Variants in PALLD observed in about 807,000 individuals in gnomAD.
PALLD encodes palladin, cytoskeletal associated protein.
Under a neutral mutation model 123.5 loss-of-function variants are expected in PALLD, and 61 were observed. That is an observed-to-expected ratio of 0.49 (90% CI 0.40 to 0.61). The LOEUF (loss-of-function observed/expected upper bound fraction) is 0.61, where lower values mean the gene tolerates loss of function less well. PALLD is among the 20% of genes least tolerant of loss of function. PALLD has a pLI of 0.00. For synonymous variants in PALLD, 465 were observed against 496.4 expected (o/e 0.94, Z 0.84); for missense variants, 1,273 against 1,377.0 (o/e 0.92, Z 1.20).
chr4:168,652,692 T>C (rs1033077015), intron 2 of PALLD, among the ~76,000 whole-genome samples: 4 of 152,230 alleles, frequency 2.6e-5, no homozygotes, highest in African/African-American at 4.8e-5. Context: ...GAGATGTTGA[T>C]TCAGGTTTTC....
At chr4:168,916,962 C>G (rs1760257519) in intron 17 of PALLD, among the ~76,000 whole-genome samples, 1 of 151,628 alleles carries the variant, frequency 6.6e-6, no homozygotes, top group South Asian at 2.1e-4. Context: ...AGCCACAGTG[C>G]CCCGCCCCCA....
intron 10 of PALLD, among the ~76,000 whole-genome samples, chr4:168,827,358 G>T (rs1440333154): frequency 6.6e-6 from 1 of 152,024 alleles, no homozygotes; most frequent in Non-Finnish European, 1.5e-5. Context: ...CCCACATTTT[G>T]GTTTTTTAAA....
intron 2 of PALLD, among the ~76,000 whole-genome samples, chr4:168,620,433 C>T (rs2723690): frequency 0.041 from 6,167 of 152,118 alleles, 175 homozygotes; most frequent in Non-Finnish European, 0.064. Context: ...GCAACCTGGG[C>T]GACAGAGTGA....
intron 10 of PALLD, among the ~76,000 whole-genome samples, chr4:168,758,273 A>T (rs1426669895): frequency 6.6e-6 from 1 of 152,138 alleles, no homozygotes; most frequent in African/African-American, 2.4e-5. Flanking sequence ...TTGAATAAGC[A>T]TCTGAAACTG....
intron 10 of PALLD, among the ~76,000 whole-genome samples, chr4:168,791,580 C>T (rs1737529674): frequency 1.3e-5 from 2 of 152,116 alleles, no homozygotes; most frequent in South Asian, 2.1e-4. Flanking sequence ...ATGGGGGAAA[C>T]GGGCCCCATG....
intron 10 of PALLD, among the ~76,000 whole-genome samples, chr4:168,774,096 A>G (rs1294084289): frequency 6.7e-6 from 1 of 150,236 alleles, no homozygotes; most frequent in Non-Finnish European, 1.5e-5. Context: ...ATTAAAAAAA[A>G]TATATATATC....
At chr4:168,526,541 C>T (rs62333838) in intron 2 of PALLD, among the ~76,000 whole-genome samples, 13,175 of 152,160 alleles carry the variant, frequency 0.087, 817 homozygotes, top group Non-Finnish European at 0.12. Context: ...ATCTGTTGTC[C>T]TCTTGCCTCA....
At chr4:168,501,527 A>G (rs969399264) in intron 1 of PALLD, among the ~76,000 whole-genome samples, 3 of 152,254 alleles carry the variant, frequency 2.0e-5, no homozygotes, top group African/African-American at 4.8e-5. Flanking sequence ...TTATAAGGAT[A>G]TAAGCTGCCT....
At chr4:168,535,350 G>A (rs1764997784) in intron 2 of PALLD, among the ~76,000 whole-genome samples, 1 of 152,178 alleles carries the variant, frequency 6.6e-6, no homozygotes, top group South Asian at 2.1e-4. Flanking sequence ...CTTAATAGAT[G>A]AGTAAACTGA....
intron 10 of PALLD, among the ~76,000 whole-genome samples, chr4:168,749,292 A>G (rs980581112): frequency 6.6e-6 from 1 of 152,102 alleles, no homozygotes; most frequent in South Asian, 2.1e-4. Flanking sequence ...TGAGATGAAT[A>G]AACCTGTTTT....
At chr4:168,855,735 G>A (rs776666396) in intron 10 of PALLD, among the ~76,000 whole-genome samples, 3 of 152,176 alleles carry the variant, frequency 2.0e-5, no homozygotes, top group South Asian at 4.1e-4. Flanking sequence ...TTACATGACC[G>A]TCCTGAATAC....
At chr4:168,586,765 G>A (rs996752453) in intron 2 of PALLD, among the ~76,000 whole-genome samples, 1 of 152,068 alleles carries the variant, frequency 6.6e-6, no homozygotes, top group African/African-American at 2.4e-5. Flanking sequence ...AAACATTAGA[G>A]GTCTTTCAAA....
intron 10 of PALLD, among the ~76,000 whole-genome samples, chr4:168,808,295 A>G (rs1002636692): frequency 1.3e-5 from 2 of 151,716 alleles, no homozygotes; most frequent in African/African-American, 4.8e-5. Context: ...CCTGGCTAAC[A>G]TGGTGAAACC....
intron 2 of PALLD, among the ~76,000 whole-genome samples, chr4:168,556,050 C>T (rs2712118): frequency 0.66 from 100,169 of 151,946 alleles, 33,359 homozygotes; most frequent in East Asian, 0.85. Context: ...CTTAGCACAG[C>T]TTCTAACACA....
chr4:168,916,108 A>T (rs941881301), intron 17 of PALLD, 81 bp downstream of exon 17: 3 of 1,347,010 alleles, frequency 2.2e-6, no homozygotes, highest in Non-Finnish European at 3.2e-6. Context: ...CTTTTGGGGA[A>T]ATTACATAAA....
chr4:168,501,285 G>A (rs548437509), intron 1 of PALLD, among the ~76,000 whole-genome samples: 1 of 152,186 alleles, frequency 6.6e-6, no homozygotes, highest in African/African-American at 2.4e-5. Context: ...TTGGTGACAT[G>A]CACCTGTAGT....
chr4:168,565,881 A>G (rs913010336), intron 2 of PALLD, among the ~76,000 whole-genome samples: 1 of 152,136 alleles, frequency 6.6e-6, no homozygotes, highest in Non-Finnish European at 1.5e-5. Flanking sequence ...TAGCCTTGAG[A>G]AAATTTTGAC....
intron 2 of PALLD, among the ~76,000 whole-genome samples, chr4:168,658,310 G>A (rs1778804429): frequency 8.8e-6 from 1 of 114,284 alleles, no homozygotes. Context: ...TTTGTGATGA[G>A]ATCTTGCTTT....
intron 14 of PALLD, among the ~76,000 whole-genome samples, chr4:168,902,516 C>CT (rs1392857276): frequency 1.3e-5 from 2 of 152,092 alleles, no homozygotes; most frequent in Non-Finnish European, 2.9e-5. Context: ...GTGGCTCACA[C>CT]TTGTAATCCC....
Sources: gnomAD v4.1 joint callset for allele counts (sites outside exome capture counted in the v4.1 genomes callset) on GRCh38, gnomAD v4.1.1 for gene constraint, MANE v1.5 for transcripts, NCBI Gene and HGNC (gene_info 2026-07-23, HGNC 2026-07-21) for gene names.